CPED1: variants seen among roughly 807,000 people sequenced by gnomAD.
CPED1 encodes the protein cadherin-like and PC-esterase domain-containing protein 1.
Under a neutral mutation model 128.2 loss-of-function variants are expected in CPED1, and 114 were observed. That is an observed-to-expected ratio of 0.89 (90% confidence interval 0.76 to 1.04). The LOEUF (loss-of-function observed/expected upper bound fraction) is 1.04. CPED1 is among the 50% of genes least tolerant of loss of function. CPED1 has a pLI of 0.00. For missense variants in CPED1, 1,211 were observed against 1,207.1 expected (o/e 1.00, Z -0.05); for synonymous variants, 462 against 426.7 (o/e 1.08, Z -1.02).
At chr7:121,268,405 A>T (rs17508510) in intron 21 of CPED1, among the ~76,000 whole-genome samples, 12,739 of 152,168 alleles carry the variant, frequency 0.084, 701 homozygotes, top group Non-Finnish European at 0.12. Flanking sequence ...TGTGTTAAAC[A>T]TTATGACTGC....
intron 16 of CPED1, among the ~76,000 whole-genome samples, chr7:121,196,609 G>C (rs1029881713): frequency 4.6e-5 from 7 of 152,100 alleles, no homozygotes; most frequent in African/African-American, 1.7e-4. Flanking sequence ...TTAAATAGGA[G>C]TCTGGGGACA....
chr7:121,080,019 G>T (rs920735626), intron 5 of CPED1, among the ~76,000 whole-genome samples: 1 of 152,162 alleles, frequency 6.6e-6, no homozygotes, highest in African/African-American at 2.4e-5. Context: ...CAGCAGGCCC[G>T]TTTACTCACG....
At chr7:121,254,967 T>G (rs1301986616) in intron 18 of CPED1, among the ~76,000 whole-genome samples, 2 of 150,896 alleles carry the variant, frequency 1.3e-5, no homozygotes, top group African/African-American at 2.4e-5. Flanking sequence ...CACAGCCAAA[T>G]TCTACCAGAT....
At chr7:121,116,819 G>A (rs191515404) in intron 7 of CPED1, among the ~76,000 whole-genome samples, 1 of 151,818 alleles carries the variant, frequency 6.6e-6, no homozygotes, top group African/African-American at 2.4e-5. Flanking sequence ...TGAGAATGAT[G>A]AGTACCATCT....
At position 121,147,387 on chromosome 7, in the gene CPED1, G is replaced by A. The variant is rs150742780; in HGVS notation, c.2055+5246G>A. 5.6e-3 allele frequency among the ~76,000 whole-genome samples: 850 copies of A among 152,160 alleles called. 8 individuals are homozygous for A. Among genetic ancestry groups the A allele is most frequent in the African/African-American group, 0.019 (785 of 41,538 alleles). On this transcript the variant is annotated intron_variant, in intron 16 of 22. Transcript: ENST00000310396. ...AACATAAAACATTATATAATATAAT[G>A]AGTCTGTTATTTCATTTTGATTTAC...
rs75765882 is a variant in CPED1 at position 121,169,170 on chromosome 7, C to T, written c.2055+27029C>T. 4.6e-4 allele frequency among the ~76,000 whole-genome samples: 70 copies of T among 152,112 alleles called. No homozygotes were observed. The East Asian group carries it at 6.0e-3, about 13-fold the overall frequency. ...ACAAGTTTCAACATTAAATAGGTTC[C>T]GAGTCACTGTATTTTATAAAGACAT... On this transcript the variant is annotated intron_variant, in intron 16 of 22. Transcript: ENST00000310396.
intron 18 of CPED1, among the ~76,000 whole-genome samples, chr7:121,256,799 A>G (rs1426497006): frequency 3.3e-5 from 5 of 152,092 alleles, no homozygotes; most frequent in African/African-American, 1.2e-4. Context: ...CACAATAGCA[A>G]AGACATGGAA....
chr7:121,245,717 G>A (rs932490785), intron 18 of CPED1, among the ~76,000 whole-genome samples: 1 of 91,676 alleles, frequency 1.1e-5, no homozygotes, highest in Non-Finnish European at 2.2e-5. Context: ...TTTTTTTTTT[G>A]TCTCACACTG....
intron 5 of CPED1, among the ~76,000 whole-genome samples, chr7:121,087,000 T>G (rs1330956288): frequency 6.6e-6 from 1 of 152,222 alleles, no homozygotes; most frequent in East Asian, 1.9e-4. Context: ...GAGCCAGGCA[T>G]AGCAGGGGAC....
chr7:121,088,853 T>C (rs1379355490), intron 5 of CPED1, among the ~76,000 whole-genome samples: 1 of 147,394 alleles, frequency 6.8e-6, no homozygotes, highest in Non-Finnish European at 1.5e-5. Flanking sequence ...GCACTTCAGA[T>C]AGGAAGGCCC....
intron 3 of CPED1, among the ~76,000 whole-genome samples, chr7:121,019,100 T>A (rs1379811075): frequency 1.3e-5 from 2 of 152,028 alleles, no homozygotes; most frequent in African/African-American, 4.8e-5. Context: ...CTATGACTTA[T>A]ATACTAGACA....
chr7:121,262,875 G>C (rs1469416118), intron 18 of CPED1, among the ~76,000 whole-genome samples: 1 of 152,050 alleles, frequency 6.6e-6, no homozygotes, highest in Non-Finnish European at 1.5e-5. Flanking sequence ...ACATTTTGAA[G>C]TTAGACATCT....
At chr7:121,247,820 C>T (rs537873822) in intron 18 of CPED1, among the ~76,000 whole-genome samples, 1 of 152,140 alleles carries the variant, frequency 6.6e-6, no homozygotes, top group Admixed American at 6.5e-5. Context: ...GGCACCCATC[C>T]CCCAAGTTTC....
chr7:121,220,955 TC>T (rs1018046468), intron 16 of CPED1, among the ~76,000 whole-genome samples: 125 of 152,080 alleles, frequency 8.2e-4, no homozygotes, highest in African/African-American at 2.8e-3. Context: ...TATCTCCATA[TC>T]TTTACTCTAT....
chr7:121,049,339 C>T (rs769756405), intron 4 of CPED1, among the ~76,000 whole-genome samples: 2 of 152,128 alleles, frequency 1.3e-5, no homozygotes, highest in Non-Finnish European at 2.9e-5. Context: ...AAGGAGGTGT[C>T]CTTGGAAAGG....
rs1486886741 is a variant in CPED1 at position 121,044,648 on chromosome 7, CTCT to C, written c.434-2237_434-2235del. Among the ~76,000 whole-genome samples the C allele has an allele frequency of 1.2e-4, 8 of 69,540 alleles. 1 individual carries two copies. The highest frequency in any genetic ancestry group is 8.2e-4 in the Admixed American group (4 of 4,874). The allele number at this position is 69,540 out of a possible 152,430, so 45.6% of individuals were successfully genotyped here. A position where few individuals can be genotyped will look rare whatever the true frequency, so the allele number is the denominator to read the frequency against. On this transcript the variant is annotated intron_variant, in intron 3 of 22. Coordinates refer to ENST00000310396, the MANE Select transcript of CPED1 (RefSeq NM_024913.5). ...GATTGCTGAGAGCAGTGACTTTCTG[CTCT>C]TTTTTTTTTTTTTTTTTTGCTATTT...
intron 22 of CPED1, among the ~76,000 whole-genome samples, chr7:121,277,047 T>C (rs1473709173): frequency 6.6e-6 from 1 of 151,996 alleles, no homozygotes; most frequent in African/African-American, 2.4e-5. Context: ...ATTGTAAAGT[T>C]CCACCCAAAC....
At chr7:121,195,381 T>C (rs1167295777) in intron 16 of CPED1, among the ~76,000 whole-genome samples, 1 of 152,192 alleles carries the variant, frequency 6.6e-6, no homozygotes, top group Non-Finnish European at 1.5e-5. Flanking sequence ...AAAACCCATA[T>C]TGAAACAAAG....
chr7:121,182,349 G>A (rs1796917363), intron 16 of CPED1, among the ~76,000 whole-genome samples: 1 of 152,002 alleles, frequency 6.6e-6, no homozygotes, highest in African/African-American at 2.4e-5. Context: ...CAAAATTAAA[G>A]AAGTTCACTT....
Sources: allele counts gnomAD v4.1 joint callset (sites outside exome capture counted in the v4.1 genomes callset), GRCh38; gene constraint gnomAD v4.1.1; transcripts MANE v1.5; gene names NCBI Gene and HGNC (gene_info 2026-07-23, HGNC 2026-07-21).